Variants in KIAA0408 observed in about 807,000 individuals in gnomAD.
KIAA0408 encodes KIAA0408.
Under a neutral mutation model 60.9 loss-of-function variants are expected in KIAA0408, and 51 were observed. The observed-to-expected ratio is 0.84, with a 90% CI of 0.67 to 1.06. KIAA0408 has a LOEUF of 1.06. KIAA0408 is among the 50% of genes least tolerant of loss of function. The probability of loss-of-function intolerance (pLI) is 0.00; values close to 1 mark genes in which losing one functional copy is unlikely to be tolerated. For missense variants in KIAA0408, 787 were observed against 833.9 expected, an observed-to-expected ratio of 0.94 and a Z score of 0.69; for synonymous variants, 304 against 282.4, an observed-to-expected ratio of 1.08 and a Z score of -0.77.
chr6:127,457,447 C>T (rs1351437203), intron 1 of KIAA0408, among the ~76,000 whole-genome samples: 47 of 152,202 alleles, frequency 3.1e-4, no homozygotes, highest in Non-Finnish European at 5.9e-5. Flanking sequence ...GCATCCCCTA[C>T]CCCATATCTC....
rs1223420544 is a variant in KIAA0408 at position 127,446,646 on chromosome 6, G to A, written c.1673C>T (p.Ser558Leu). The A allele has an allele frequency of 6.2e-7, 1 of 1,613,900 alleles. No homozygotes were observed. The highest frequency in any genetic ancestry group is 1.3e-5 in the African/African-American group (1 of 74,880). The stretch of plus-strand genomic sequence containing the variant: ...CAGCTTTTCCACAACACCATAATTT[G>A]ACCTGGGATCAGCTGACCTCGGACG... ...SGRPRSADPR[S>L]NYGVVEKLLK... The change falls in exon 5 of 6, where the codon TCA (serine) becomes TTA (leucine). Residue 558 changes from serine to leucine, a missense_variant. Coordinates refer to ENST00000483725, the MANE Select transcript of KIAA0408 (RefSeq NM_014702.5).
In KIAA0408 at chr6:127,446,540, A is replaced by G; in HGVS notation, c.1779T>C (p.Ser593=). The change falls in exon 5 of 6, where the codon TCT becomes TCC. Residue 593 remains serine, a synonymous_variant. Transcript: ENST00000483725. The part of the protein sequence containing the change: ...CFQDNWTKCN[S]DVSGGATLSQ... ...TTAATGTGGCACCACCACTGACATC[A>G]GAATTACATTTGGTCCAATTATCCT... 1 of 1,614,146 alleles carries G rather than the reference A, an allele frequency of 6.2e-7. No homozygotes were observed. The highest frequency in any genetic ancestry group is 8.5e-7 in the Non-Finnish European group (1 of 1,180,024).
chr6:127,451,034 T>C (rs1375724774), intron 2 of KIAA0408: 3 of 238,070 alleles, frequency 1.3e-5, no homozygotes, highest in East Asian at 1.1e-4. Flanking sequence ...TGTATTAAGG[T>C]AGAATCCAGA....
intron 4 of KIAA0408, 47 bp from the exon 5 acceptor site, chr6:127,447,787 A>G: frequency 6.9e-7 from 1 of 1,457,656 alleles, no homozygotes; most frequent in Non-Finnish European, 9.0e-7. Context: ...TTTATTTAGA[A>G]TAAGCTCTCA....
At chr6:127,450,618 T>G (rs1773286054) in intron 2 of KIAA0408, 1 of 321,478 alleles carries the variant, frequency 3.1e-6, no homozygotes. Context: ...ATAAAATAAA[T>G]CTGTATCTGT....
chr6:127,455,921 T>G (rs1344689126), intron 1 of KIAA0408, among the ~76,000 whole-genome samples: 3 of 152,186 alleles, frequency 2.0e-5, no homozygotes, highest in Non-Finnish European at 4.4e-5. Flanking sequence ...ATACAGAGTT[T>G]TGGTTTTTGT....
At chr6:127,456,234 T>C (rs997891704) in intron 1 of KIAA0408, among the ~76,000 whole-genome samples, 8 of 152,202 alleles carry the variant, frequency 5.3e-5, no homozygotes, top group African/African-American at 1.9e-4. Flanking sequence ...AGAGGAGCTA[T>C]GATAAATCCA....
chr6:127,456,309 A>G (rs1261062799), intron 1 of KIAA0408, among the ~76,000 whole-genome samples: 1 of 152,170 alleles, frequency 6.6e-6, no homozygotes, highest in East Asian at 1.9e-4. Flanking sequence ...TCTTTTCTAC[A>G]ATTATGTAGC....
rs1773275858 is a variant in KIAA0408 at position 127,450,130 on chromosome 6, T to C, written c.358A>G (p.Lys120Glu). The change falls in exon 3 of 6, where the codon AAG becomes GAG. Residue 120 changes from lysine (K) to glutamate (E), a missense_variant. Physicochemically the swap from Lys to Glu is moderately conservative, Grantham distance 56. Coordinates refer to ENST00000483725, the MANE Select transcript of KIAA0408 (RefSeq NM_014702.5). ...SLVSGGNQMC[K>E]EQKATKKSKV... ...GATTTTTTTGTTGCTTTTTGTTCCT[T>C]ACACATTTGATTTCCTCCACTGACT... The C allele has an allele frequency of 6.2e-7, 1 of 1,614,004 alleles. No homozygotes were observed. Among genetic ancestry groups the C allele is most frequent in the Non-Finnish European group, 8.5e-7 (1 of 1,179,992 alleles).
At chr6:127,450,739 T>A (rs966288180) in intron 2 of KIAA0408, 1 of 172,078 alleles carries the variant, frequency 5.8e-6, no homozygotes, top group Non-Finnish European at 1.2e-5. Context: ...AAGTCATAGT[T>A]TTCAAATGTC....
In KIAA0408 at chr6:127,444,189, A is replaced by T; in HGVS notation, c.2005T>A (p.Ser669Thr). ...RRLPSRWASR[S>T]PSAPPALRRT... is the part of the protein sequence containing the mutation. ...CGCAAGGCAGGGGGTGCAGATGGAG[A>T]TCTGGATGCCCATCTGGAGGGGAGA... The change falls in exon 6 of 6, where the codon TCT (serine) becomes ACT (threonine). Residue 669 changes from serine (S) to threonine (T), a missense_variant. Ser to Thr is a moderately conservative substitution (Grantham distance 58). Transcript: ENST00000483725. 6 of 1,613,732 alleles carry T rather than the reference A, an allele frequency of 3.7e-6. No individual in the cohort carries two copies. The highest frequency in any genetic ancestry group is 5.1e-6 in the Non-Finnish European group (6 of 1,179,832).
Position 127,450,263 on chromosome 6 carries a change from C to A in KIAA0408, c.225G>T (p.Glu75Asp), listed in dbSNP as rs772715038. Residue 75 changes from glutamate to aspartate, a missense_variant, in exon 3 of 6, where the codon GAG becomes GAT. Transcript: ENST00000483725. ...IDLYHEKTIP[E>D]KVIESSPNYP... ...AATTTGGGGAAGATTCTATCACTTT[C>A]TCTGGAATGGTCTTCTCATGGTAAA... is the stretch of plus-strand genomic sequence containing the variant. 2 of 1,613,874 alleles carry A rather than the reference C, an allele frequency of 1.2e-6. No homozygotes were observed. The highest frequency in any genetic ancestry group is 2.2e-5 in the South Asian group (2 of 91,070).
rs538723456 is a variant in KIAA0408, at chr6:127,447,007, G to A, written c.1312C>T (p.Leu438=). ...GFERTTRNEK[L]AAKTDEFNRT... is the part of the protein sequence containing the mutation. ...TTAAATTCATCAGTCTTTGCTGCCA[G>A]CTTCTCATTCCTTGTAGTCCTTTCA... is the stretch of plus-strand genomic sequence containing the variant. Residue 438 remains leucine, a synonymous_variant, in exon 5 of 6, where the codon CTG becomes TTG. Coordinates refer to ENST00000483725, the MANE Select transcript of KIAA0408 (RefSeq NM_014702.5). 42 of 1,613,698 alleles carry A rather than the reference G, an allele frequency of 2.6e-5. 1 individual carries two copies. In the South Asian group the frequency reaches 4.6e-4, roughly 18 times the overall value.
Position 127,447,587 on chromosome 6 carries a change from G to C in KIAA0408, c.732C>G (p.Leu244=). The C allele has an allele frequency of 6.2e-7, 1 of 1,612,592 alleles. No homozygotes were observed. The highest frequency in any genetic ancestry group is 8.5e-7 in the Non-Finnish European group (1 of 1,179,590). Residue 244 remains leucine (L), a synonymous_variant, in exon 5 of 6, where the codon CTC becomes CTG. Coordinates refer to ENST00000483725, the MANE Select transcript of KIAA0408 (RefSeq NM_014702.5). ...CACATTTTTTCGTAGAATTGCTCTGGAGCACATTGGTACAGCTCAGATTCT... is the reference window on the plus strand; with the variant it reads ...CACATTTTTTCGTAGAATTGCTCTGCAGCACATTGGTACAGCTCAGATTCT... The part of the protein sequence containing the change: ...NRKNLSCTNV[L]QSNSTKKCGI...
At position 127,457,009 on chromosome 6, in the gene KIAA0408, G is replaced by GA. The variant is rs892674999; in HGVS notation, c.-121+2165dup. 4.5e-4 allele frequency among the ~76,000 whole-genome samples: 67 copies of GA among 149,858 alleles called. 1 individual carries two copies. In the East Asian group the frequency reaches 7.8e-3, roughly 17 times the overall value. ...CTATCCCTCTCCATGTTGTTCTCTG[G>GA]AAAAAAAACAGATTATTTTGGTCTT... On this transcript the variant is annotated intron_variant, in intron 1 of 5. Transcript: ENST00000483725.
intron 1 of KIAA0408, among the ~76,000 whole-genome samples, chr6:127,456,782 G>A (rs985112789): frequency 2.2e-5 from 2 of 90,144 alleles, no homozygotes; most frequent in Non-Finnish European, 4.8e-5. Flanking sequence ...AATATAAAGT[G>A]GTGGGGGGGG....
intron 1 of KIAA0408, among the ~76,000 whole-genome samples, chr6:127,455,644 T>C (rs1343581125): frequency 6.6e-6 from 1 of 152,160 alleles, no homozygotes; most frequent in African/African-American, 2.4e-5. Flanking sequence ...TTACTAAAGA[T>C]ATTTTGATAA....
At chr6:127,446,030 A>T (rs1773186233) in intron 5 of KIAA0408, among the ~76,000 whole-genome samples, 1 of 152,194 alleles carries the variant, frequency 6.6e-6, no homozygotes, top group Non-Finnish European at 1.5e-5. Flanking sequence ...AATGAAAACG[A>T]TTTTAAAAAT....
At chr6:127,451,269 G>C (rs920706115) in intron 2 of KIAA0408, 1 of 455,574 alleles carries the variant, frequency 2.2e-6, no homozygotes, top group Non-Finnish European at 4.4e-6. Flanking sequence ...ATTTATTGCT[G>C]CTTAATACAT....
Sources: gnomAD v4.1 joint callset for allele counts (sites outside exome capture counted in the v4.1 genomes callset) on GRCh38, gnomAD v4.1.1 for gene constraint, MANE v1.5 for transcripts, NCBI Gene and HGNC (gene_info 2026-07-23, HGNC 2026-07-21) for gene names.